The following GPC5 variants were observed in gnomAD, a reference collection of about 807,000 sequenced individuals.
GPC5 encodes glypican-5.
A neutral mutation model predicts 53.9 loss-of-function variants in GPC5; 47 were observed. That is an observed-to-expected ratio of 0.87 (90% CI 0.69 to 1.11). GPC5 has a LOEUF of 1.11. GPC5 is among the 50% of genes most tolerant of loss of function. GPC5 has a pLI of 0.00. For missense variants in GPC5, 748 were observed against 713.1 expected, an observed-to-expected ratio of 1.05 and a Z score of -0.56; for synonymous variants, 286 against 263.3, an observed-to-expected ratio of 1.09 and a Z score of -0.84.
At chr13:92,680,505 T>TG in intron 7 of GPC5, among the ~76,000 whole-genome samples, 1 of 152,166 alleles carries the variant, frequency 6.6e-6, no homozygotes, top group South Asian at 2.1e-4. Context: ...GAACATGTAA[T>TG]AAGATGAATA....
chr13:92,326,293 T>C (rs1213008494), intron 7 of GPC5, among the ~76,000 whole-genome samples: 1 of 152,018 alleles, frequency 6.6e-6, no homozygotes, highest in Non-Finnish European at 1.5e-5. Flanking sequence ...TAAAAGAAAG[T>C]ATGGGTTTTT....
chr13:91,807,686 G>A (rs1271814099), intron 5 of GPC5, among the ~76,000 whole-genome samples: 3 of 152,068 alleles, frequency 2.0e-5, no homozygotes, highest in East Asian at 3.8e-4. Context: ...GCATTTTCAT[G>A]CATAATTATA....
intron 6 of GPC5, among the ~76,000 whole-genome samples, chr13:92,141,555 T>C (rs1437583242): frequency 1.3e-5 from 2 of 152,186 alleles, no homozygotes; most frequent in African/African-American, 4.8e-5. Flanking sequence ...TCAAACACAA[T>C]TGCCAAGCAG....
chr13:91,856,693 G>A (rs987847740), intron 5 of GPC5, among the ~76,000 whole-genome samples: 19 of 150,618 alleles, frequency 1.3e-4, no homozygotes, highest in African/African-American at 4.1e-4. Context: ...CTCTTTTTCA[G>A]GTATATGTAT....
At chr13:92,387,746 T>G (rs1323125512) in intron 7 of GPC5, among the ~76,000 whole-genome samples, 1 of 152,144 alleles carries the variant, frequency 6.6e-6, no homozygotes, top group Non-Finnish European at 1.5e-5. Context: ...ACCATCAAAC[T>G]ATATAAGCTT....
intron 7 of GPC5, among the ~76,000 whole-genome samples, chr13:92,486,424 C>T (rs1026815970): frequency 6.6e-6 from 1 of 152,166 alleles, no homozygotes; most frequent in African/African-American, 2.4e-5. Context: ...ATAGAAACCA[C>T]ATCGAACTTG....
At chr13:91,514,967 C>G (rs1252082519) in intron 2 of GPC5, among the ~76,000 whole-genome samples, 1 of 152,190 alleles carries the variant, frequency 6.6e-6, no homozygotes, top group Admixed American at 6.5e-5. Context: ...CCACTAGCCT[C>G]ATGGAATCAT....
chr13:91,711,251 T>C (rs2036219072), intron 3 of GPC5, among the ~76,000 whole-genome samples: 1 of 152,116 alleles, frequency 6.6e-6, no homozygotes, highest in South Asian at 2.1e-4. Context: ...GTGGCACATA[T>C]ACACCACGGA....
intron 2 of GPC5, among the ~76,000 whole-genome samples, chr13:91,563,114 CTT>C (rs1207031551): frequency 6.6e-6 from 1 of 152,190 alleles, no homozygotes; most frequent in African/African-American, 2.4e-5. Flanking sequence ...TGTTAAATCT[CTT>C]GTTTTAAATT....
At chr13:91,757,024 A>T (rs1388110959) in intron 5 of GPC5, among the ~76,000 whole-genome samples, 1 of 152,004 alleles carries the variant, frequency 6.6e-6, no homozygotes, top group Non-Finnish European at 1.5e-5. Flanking sequence ...TTAGAAGTGA[A>T]ATTCCATGTT....
intron 7 of GPC5, among the ~76,000 whole-genome samples, chr13:92,806,701 T>C (rs986013269): frequency 6.6e-6 from 1 of 151,996 alleles, no homozygotes. Context: ...GAATGGCTGG[T>C]TAGTGGAGCA....
intron 2 of GPC5, among the ~76,000 whole-genome samples, chr13:91,470,773 G>A (rs1291658890): frequency 1.3e-5 from 2 of 152,102 alleles, no homozygotes; most frequent in African/African-American, 4.8e-5. Context: ...CAAACAGCAA[G>A]CAAGCCTCTG....
chr13:91,844,258 G>A (rs1322184357), intron 5 of GPC5, among the ~76,000 whole-genome samples: 1 of 152,206 alleles, frequency 6.6e-6, no homozygotes, highest in Non-Finnish European at 1.5e-5. Context: ...GTCGAAGAAG[G>A]ATGAAGATTG....
intron 7 of GPC5, among the ~76,000 whole-genome samples, chr13:92,770,627 G>A (rs1282941421): frequency 6.6e-6 from 1 of 152,020 alleles, no homozygotes; most frequent in Non-Finnish European, 1.5e-5. Flanking sequence ...TTTTAGGATG[G>A]CTGCTGTAAA....
chr13:92,403,799 G>T lies in GPC5; in HGVS notation c.1561+258810G>T, dbSNP rs12868537. Among the ~76,000 whole-genome samples the T allele has an allele frequency of 4.2e-3, 641 of 152,196 alleles. 10 individuals are homozygous for T. The highest frequency in any genetic ancestry group is 0.014 in the Middle Eastern group (4 of 294). ...TAATACAAATGCTAATAGAGATTTT[G>T]TAAACATTCTCCTTATTGCTGATTT... On this transcript the variant is annotated intron_variant, in intron 7 of 7. Coordinates refer to ENST00000377067, the MANE Select transcript of GPC5 (RefSeq NM_004466.6).
intron 7 of GPC5, among the ~76,000 whole-genome samples, chr13:92,218,011 A>C (rs1397594881): frequency 7.0e-6 from 1 of 142,604 alleles, no homozygotes; most frequent in Non-Finnish European, 1.5e-5. Context: ...TTGAGCTCTA[A>C]TTCTTGGGCT....
intron 5 of GPC5, among the ~76,000 whole-genome samples, chr13:91,763,868 G>T (rs1044921086): frequency 9.2e-5 from 14 of 152,122 alleles, no homozygotes; most frequent in Non-Finnish European, 1.0e-4. Flanking sequence ...ACTCAAGGAT[G>T]CTCAAGTCCC....
chr13:92,200,115 G>A (rs769622938), intron 7 of GPC5, among the ~76,000 whole-genome samples: 6 of 152,094 alleles, frequency 3.9e-5, no homozygotes, highest in Non-Finnish European at 7.4e-5. Flanking sequence ...TACCAGGAAA[G>A]GATGACTGTG....
intron 7 of GPC5, among the ~76,000 whole-genome samples, chr13:92,473,864 T>G (rs946360913): frequency 6.6e-6 from 1 of 152,128 alleles, no homozygotes; most frequent in Non-Finnish European, 1.5e-5. Context: ...TATTTTGCCT[T>G]AGTGTGTATA....
Sources: allele counts gnomAD v4.1 joint callset (sites outside exome capture counted in the v4.1 genomes callset), GRCh38; gene constraint gnomAD v4.1.1; transcripts MANE v1.5; gene names NCBI Gene and HGNC (gene_info 2026-07-23, HGNC 2026-07-21).